SBF2: variants seen among roughly 807,000 people sequenced by gnomAD.
SBF2 encodes SET binding factor 2.
In SBF2, 112 loss-of-function variants were observed where a neutral mutation model predicts 225.2. The ratio of observed to expected loss-of-function variants is 0.50; its 90% CI spans 0.43 to 0.58. SBF2 has a LOEUF of 0.58. Among genes scored for constraint, SBF2 ranks in the 20% least tolerant of loss-of-function variants. The pLI is 0.00. For synonymous variants in SBF2, 763 were observed against 773.3 expected, an observed-to-expected ratio of 0.99 and a Z score of 0.22; for missense variants, 1,996 against 2,206.2, an observed-to-expected ratio of 0.90 and a Z score of 1.91.
intron 16 of SBF2, among the ~76,000 whole-genome samples, chr11:9,918,300 C>A (rs1197411895): frequency 1.3e-5 from 2 of 151,974 alleles, no homozygotes; most frequent in Non-Finnish European, 2.9e-5. Flanking sequence ...TTTTCCCCCC[C>A]ATCCTCCTAT....
chr11:9,998,781 T>C (rs976471569), intron 8 of SBF2, among the ~76,000 whole-genome samples: 7 of 152,188 alleles, frequency 4.6e-5, no homozygotes, highest in Admixed American at 2.6e-4. Flanking sequence ...GGAAGGAAAC[T>C]TGGATCTTGA....
intron 2 of SBF2, among the ~76,000 whole-genome samples, chr11:10,171,447 G>A (rs1195859030): frequency 6.6e-6 from 1 of 152,152 alleles, no homozygotes; most frequent in Non-Finnish European, 1.5e-5. Context: ...GTTGATTGGT[G>A]TGTGTGTCTT....
chr11:9,845,035 AAT>A (rs1856440206), intron 24 of SBF2, among the ~76,000 whole-genome samples: 1 of 152,208 alleles, frequency 6.6e-6, no homozygotes. Context: ...GCTCAAAAAA[AAT>A]ATGTGTATAT....
intron 2 of SBF2, among the ~76,000 whole-genome samples, chr11:10,095,841 G>A (rs11042624): frequency 0.034 from 5,214 of 152,142 alleles, 305 homozygotes; most frequent in East Asian, 0.17. Context: ...TTACACAGTT[G>A]AGCAAAATGT....
chr11:9,991,012 A>G (rs1311448482), intron 12 of SBF2, among the ~76,000 whole-genome samples: 2 of 152,206 alleles, frequency 1.3e-5, no homozygotes, highest in Admixed American at 1.3e-4. Context: ...TTTGAATAGA[A>G]AAGAAAGAGT....
chr11:10,024,529 A>C (rs963199541), intron 6 of SBF2, among the ~76,000 whole-genome samples: 4 of 152,126 alleles, frequency 2.6e-5, no homozygotes, highest in Admixed American at 2.6e-4. Flanking sequence ...CAATCACACC[A>C]AGCTGTGCAG....
chr11:10,182,735 T>G (rs768565083), intron 2 of SBF2, among the ~76,000 whole-genome samples: 18 of 151,184 alleles, frequency 1.2e-4, no homozygotes, highest in South Asian at 6.3e-4. Flanking sequence ...TCTATGTCTT[T>G]TTGTTGTTGT....
intron 30 of SBF2, chr11:9,810,509 T>A (rs1423819941): frequency 6.6e-6 from 1 of 152,122 alleles, no homozygotes; most frequent in African/African-American, 2.4e-5. Context: ...TGAATCCAAC[T>A]CTGAACAAGA....
intron 1 of SBF2, among the ~76,000 whole-genome samples, chr11:10,209,311 T>G (rs72861789): frequency 0.014 from 276 of 19,570 alleles, 1 homozygote; most frequent in South Asian, 0.043. Flanking sequence ...ACAAATTTGT[T>G]TTTTTTTTTT....
intron 14 of SBF2, among the ~76,000 whole-genome samples, chr11:9,964,893 AG>A (rs1458783153): frequency 3.3e-5 from 5 of 152,178 alleles, no homozygotes; most frequent in African/African-American, 1.2e-4. Context: ...CATAAATTTA[AG>A]GGGTACAAGT....
chr11:9,912,422 T>C (rs112193488), intron 16 of SBF2, among the ~76,000 whole-genome samples: 2,286 of 151,166 alleles, frequency 0.015, 48 homozygotes, highest in African/African-American at 0.052. Context: ...CCATCTCTAC[T>C]AAAAATACAA....
intron 2 of SBF2, among the ~76,000 whole-genome samples, chr11:10,132,169 G>A (rs928116006): frequency 2.0e-5 from 3 of 152,172 alleles, no homozygotes; most frequent in Non-Finnish European, 4.4e-5. Context: ...CCAGGTGGCT[G>A]TAATTGGATA....
intron 6 of SBF2, among the ~76,000 whole-genome samples, chr11:10,020,322 T>C (rs1448825948): frequency 6.6e-6 from 1 of 152,122 alleles, no homozygotes; most frequent in Non-Finnish European, 1.5e-5. Flanking sequence ...AGTGAGCATG[T>C]GTACAACTCC....
chr11:10,106,756 T>C (rs1287784077), intron 2 of SBF2, among the ~76,000 whole-genome samples: 2 of 151,998 alleles, frequency 1.3e-5, no homozygotes, highest in East Asian at 1.9e-4. Context: ...TTGCAAATCA[T>C]GTATCTGAAG....
intron 1 of SBF2, among the ~76,000 whole-genome samples, chr11:10,215,110 A>G (rs898802953): frequency 1.3e-5 from 2 of 152,168 alleles, no homozygotes; most frequent in Non-Finnish European, 2.9e-5. Context: ...CTGCCCCACA[A>G]ACTACTAGCT....
rs1437282984 is a variant in SBF2 at position 10,194,088 on chromosome 11, TTAA to T, written c.56-104_56-102del. The T allele has an allele frequency of 4.0e-5, 34 of 847,246 alleles. No homozygotes were observed. The African/African-American group carries it at 4.4e-4, about 11-fold the overall frequency. 52.5% of individuals were successfully genotyped at this position (847,246 alleles called of 1,614,324 possible). A position where few individuals can be genotyped will look rare whatever the true frequency, so the allele number is the denominator to read the frequency against. On this transcript the variant is annotated intron_variant, in intron 1 of 39. Coordinates refer to ENST00000256190, the MANE Select transcript of SBF2 (RefSeq NM_030962.4). Reference sequence around the variant, plus strand: ...TCTAAATGAATATTTGGTAAATAAGTTAATAAACTGATTAAACATTTTCAAGTT... The same window carrying T: ...TCTAAATGAATATTTGGTAAATAAGTTAAACTGATTAAACATTTTCAAGTT...
At chr11:9,890,864 T>C (rs1458063070) in intron 17 of SBF2, among the ~76,000 whole-genome samples, 1 of 152,200 alleles carries the variant, frequency 6.6e-6, no homozygotes, top group Non-Finnish European at 1.5e-5. Context: ...CCGGGTGTGG[T>C]GGCTCACACC....
intron 16 of SBF2, among the ~76,000 whole-genome samples, chr11:9,901,315 A>G (rs1243947772): frequency 6.6e-6 from 1 of 152,222 alleles, no homozygotes; most frequent in Non-Finnish European, 1.5e-5. Context: ...CTCAAGGGAT[A>G]GGACAAAAAG....
At chr11:10,147,921 C>T (rs1307280321) in intron 2 of SBF2, among the ~76,000 whole-genome samples, 1 of 152,106 alleles carries the variant, frequency 6.6e-6, no homozygotes, top group Non-Finnish European at 1.5e-5. Context: ...TAAATGTTCT[C>T]AGCTTCAGAT....
Sources: allele counts gnomAD v4.1 joint callset (sites outside exome capture counted in the v4.1 genomes callset), GRCh38; gene constraint gnomAD v4.1.1; transcripts MANE v1.5; gene names NCBI Gene and HGNC (gene_info 2026-07-23, HGNC 2026-07-21).